SULT2A1: variants seen among roughly 807,000 people sequenced by gnomAD.
The protein encoded by SULT2A1 is sulfotransferase family 2A member 1.
In SULT2A1, 43 loss-of-function variants were observed where a neutral mutation model predicts 33.9. That is an observed-to-expected ratio of 1.27 (90% confidence interval 1.00 to 1.64). The LOEUF (loss-of-function observed/expected upper bound fraction) is 1.64. Ranked by LOEUF, SULT2A1 falls within the 40% of genes most tolerant of loss-of-function variation. The pLI is 0.00. For synonymous variants in SULT2A1, 125 were observed against 113.6 expected, an observed-to-expected ratio of 1.10 and a Z score of -0.64; for missense variants, 300 against 335.1, an observed-to-expected ratio of 0.90 and a Z score of 0.82.
chr19:47,878,642 G>C (rs377090143), intron 4 of SULT2A1, among the ~76,000 whole-genome samples: 1 of 150,268 alleles, frequency 6.7e-6, no homozygotes, highest in Non-Finnish European at 1.5e-5. Context: ...TCAGCCTCCC[G>C]AGTAGCTGGG....
At chr19:47,875,499 A>G (rs368724049) in intron 4 of SULT2A1, among the ~76,000 whole-genome samples, 1 of 151,864 alleles carries the variant, frequency 6.6e-6, no homozygotes, top group South Asian at 2.1e-4. Flanking sequence ...TTAGCCAGGC[A>G]TGGTGGCGCA....
chr19:47,871,674 G>T, intron 5 of SULT2A1, 107 bp from the exon 6 acceptor site: 1 of 746,200 alleles, frequency 1.3e-6, no homozygotes, highest in South Asian at 1.6e-5. Context: ...ATGGCCGATG[G>T]TTCGTGGTGG....
At chr19:47,880,297 G>A (rs976118796) in intron 3 of SULT2A1, among the ~76,000 whole-genome samples, 6 of 146,438 alleles carry the variant, frequency 4.1e-5, no homozygotes, top group East Asian at 4.0e-4. Context: ...ATCAGATCTC[G>A]TGAAAACTCA....
chr19:47,885,155 A>G (rs1387349111), intron 1 of SULT2A1, among the ~76,000 whole-genome samples: 1 of 152,134 alleles, frequency 6.6e-6, no homozygotes, highest in Non-Finnish European at 1.5e-5. Flanking sequence ...TTAAGTGTTA[A>G]GTATATTCCC....
rs1873492710 is a variant in SULT2A1, at chr19:47,870,612, G to A, written c.*843C>T. ...AAGAAATGGAACCTTAATTGCTCCT[G>A]TAATTTTATTTCTTATTTTTATTAC... On this transcript the variant is annotated 3_prime_UTR_variant, in exon 6 of 6. Transcript: ENST00000222002. 6.8e-6 allele frequency: 1 copy of A among 147,918 alleles called. No individual in the cohort carries two copies. The highest frequency in any genetic ancestry group is 6.8e-5 in the Admixed American group (1 of 14,802). 9.2% of individuals were successfully genotyped at this position (147,918 alleles called of 1,614,324 possible).
chr19:47,886,109 T>C lies in SULT2A1; in HGVS notation c.136+13A>G. On this transcript the variant is annotated intron_variant, in intron 1 of 5. Coordinates refer to ENST00000222002, the MANE Select transcript of SULT2A1 (RefSeq NM_003167.4). ...ACCACAGCCTTTCTCAGTTCACGATTCTGCCTCCTTACCTGATTTGGGGTA... is the reference window on the plus strand; with the variant it reads ...ACCACAGCCTTTCTCAGTTCACGATCCTGCCTCCTTACCTGATTTGGGGTA... The C allele has an allele frequency of 6.2e-7, 1 of 1,612,888 alleles. No individual in the cohort carries two copies. The highest frequency in any genetic ancestry group is 8.5e-7 in the Non-Finnish European group (1 of 1,179,372).
chr19:47,874,800 A>C lies in SULT2A1; in HGVS notation c.602T>G (p.Phe201Cys). ...TTCGGGTTCTAACGTCTTTCCCAGG[A>C]ATTGACAGATCTTCTCTATGGTTCT... ...TGRTIEKICQ[F>C]LGKTLEPEEL... The change falls in exon 5 of 6, where the codon TTC becomes TGC. Residue 201 changes from phenylalanine to cysteine, a missense_variant. Coordinates refer to ENST00000222002, the MANE Select transcript of SULT2A1 (RefSeq NM_003167.4). The C allele has an allele frequency of 6.2e-7, 1 of 1,614,094 alleles. No individual in the cohort carries two copies. Among genetic ancestry groups the C allele is most frequent in the Non-Finnish European group, 8.5e-7 (1 of 1,180,022 alleles).
intron 4 of SULT2A1, among the ~76,000 whole-genome samples, chr19:47,878,134 T>C (rs907787831): frequency 6.6e-6 from 1 of 152,190 alleles, no homozygotes; most frequent in Non-Finnish European, 1.5e-5. Context: ...ACACCAGTGC[T>C]AGCAGGAGAC....
At position 47,872,055 on chromosome 19, in the gene SULT2A1, T is replaced by A. The variant is rs542260799; in HGVS notation, c.746-488A>T. On this transcript the variant is annotated intron_variant, in intron 5 of 5. Transcript: ENST00000222002. ...GCCTCAGCCTCCCGAATAGCTGGGA[T>A]TACAGGTGCCTACCACCACGCCTGG... Among the ~76,000 whole-genome samples the A allele has an allele frequency of 6.6e-5, 10 of 152,142 alleles. No homozygotes were observed. The East Asian group carries it at 1.7e-3, about 27-fold the overall frequency.
intron 5 of SULT2A1, among the ~76,000 whole-genome samples, chr19:47,872,423 C>T (rs1033693882): frequency 6.6e-6 from 1 of 152,150 alleles, no homozygotes; most frequent in African/African-American, 2.4e-5. Flanking sequence ...CCCTCTCCGT[C>T]ACTCTACTCA....
rs1256364506 is a variant in SULT2A1, at chr19:47,871,929, T to G, written c.746-362A>C. ...GGTCTCTGCTTTTTTTTCTTTTTTTTTTTGTAGAGACGGAGTCTTGCTCTA... is the reference window on the plus strand; with the variant it reads ...GGTCTCTGCTTTTTTTTCTTTTTTTGTTTGTAGAGACGGAGTCTTGCTCTA... On this transcript the variant is annotated intron_variant, in intron 5 of 5. Coordinates refer to ENST00000222002, the MANE Select transcript of SULT2A1 (RefSeq NM_003167.4). Among the ~76,000 whole-genome samples, 4 of 152,050 alleles carry G rather than the reference T, an allele frequency of 2.6e-5. No individual in the cohort carries two copies. In the East Asian group the frequency reaches 7.7e-4, roughly 29 times the overall value.
chr19:47,885,132 C>T (rs1487669191), intron 1 of SULT2A1, among the ~76,000 whole-genome samples: 1 of 152,118 alleles, frequency 6.6e-6, no homozygotes. Context: ...TTTAAGCCTA[C>T]GGTTTCGTAG....
intron 4 of SULT2A1, among the ~76,000 whole-genome samples, chr19:47,876,086 G>A (rs1327654924): frequency 6.6e-6 from 1 of 152,180 alleles, no homozygotes; most frequent in Non-Finnish European, 1.5e-5. Context: ...CATGATCTCA[G>A]CTCACTGCAA....
chr19:47,882,308 G>T, intron 2 of SULT2A1, 98 bp from the exon 3 acceptor site: 1 of 1,410,874 alleles, frequency 7.1e-7, no homozygotes, highest in Non-Finnish European at 9.6e-7. Flanking sequence ...CCTGGATAAT[G>T]CCTAATAATA....
chr19:47,881,155 C>A (rs1408116304), intron 3 of SULT2A1, among the ~76,000 whole-genome samples: 1 of 152,066 alleles, frequency 6.6e-6, no homozygotes, highest in Non-Finnish European at 1.5e-5. Flanking sequence ...CGTGCCTCAG[C>A]CTCCTGAGTA....
At chr19:47,875,450 C>A (rs139474985) in intron 4 of SULT2A1, among the ~76,000 whole-genome samples, 1 of 151,764 alleles carries the variant, frequency 6.6e-6, no homozygotes, top group African/African-American at 2.4e-5. Flanking sequence ...CCAGCCTGGG[C>A]GATATAGTGA....
At chr19:47,876,157 A>C (rs1416661251) in intron 4 of SULT2A1, among the ~76,000 whole-genome samples, 5 of 152,136 alleles carry the variant, frequency 3.3e-5, no homozygotes, top group Admixed American at 2.6e-4. Context: ...CTGGGGTTAC[A>C]GGCGTGCGCC....
At position 47,886,258 on chromosome 19, in the gene SULT2A1, G is replaced by T. The variant is rs767946489; in HGVS notation, c.-1C>A. The T allele has an allele frequency of 9.9e-6, 16 of 1,613,822 alleles. No homozygotes were observed. The highest frequency in any genetic ancestry group is 6.7e-5 in the Admixed American group (4 of 59,974). On this transcript the variant is annotated 5_prime_UTR_variant, in exon 1 of 6. Coordinates refer to ENST00000222002, the MANE Select transcript of SULT2A1 (RefSeq NM_003167.4). Reference sequence around the variant, plus strand: ...CAAACCATAAGAAATCGTCCGACATGATGATGACCTCTTCCTGCGTGGTGT... The same window carrying T: ...CAAACCATAAGAAATCGTCCGACATTATGATGACCTCTTCCTGCGTGGTGT...
Position 47,876,136 on chromosome 19 carries a change from C to T in SULT2A1, c.568-1302G>A, listed in dbSNP as rs917738082. Among the ~76,000 whole-genome samples the T allele has an allele frequency of 5.9e-5, 9 of 152,290 alleles. 2 individuals carry two copies. The highest frequency in any genetic ancestry group is 1.3e-4 in the Admixed American group (2 of 15,278). ...GCTCAAGCAATTCTCCTGTCTCAAC[C>T]TCCCGAGTAGCTGGGGTTACAGGCG... On this transcript the variant is annotated intron_variant, in intron 4 of 5. Coordinates refer to ENST00000222002, the MANE Select transcript of SULT2A1 (RefSeq NM_003167.4).
Sources: allele counts gnomAD v4.1 joint callset (sites outside exome capture counted in the v4.1 genomes callset), GRCh38; gene constraint gnomAD v4.1.1; transcripts MANE v1.5; gene names NCBI Gene and HGNC (gene_info 2026-07-23, HGNC 2026-07-21).